PTPRT: variants seen among roughly 807,000 people sequenced by gnomAD.
PTPRT encodes receptor-type tyrosine-protein phosphatase T.
Under a neutral mutation model 176.8 loss-of-function variants are expected in PTPRT, and 56 were observed. The ratio of observed to expected loss-of-function variants is 0.32; its 90% confidence interval spans 0.26 to 0.40. The LOEUF is 0.40. PTPRT is among the 10% of genes least tolerant of loss of function. The pLI, the probability that PTPRT is intolerant of heterozygous loss-of-function variation, is 1.00. For synonymous variants in PTPRT, 783 were observed against 739.0 expected (o/e 1.06, Z -0.96); for missense variants, 1,540 against 1,908.2 (o/e 0.81, Z 3.60).
intron 19 of PTPRT, among the ~76,000 whole-genome samples, chr20:42,122,993 T>C (rs1359109742): frequency 6.6e-6 from 1 of 152,202 alleles, no homozygotes. Flanking sequence ...TAGGGCTTTG[T>C]ATATGCTCAG....
Position 43,189,849 on chromosome 20 carries a change from C to T in PTPRT, c.-116G>A. ...CCGCTGGCTGTGCGCGCGGCTGGCTCCGCTCGGGCTCCCGGAGCCGGCGCT... is the reference window on the plus strand; with the variant it reads ...CCGCTGGCTGTGCGCGCGGCTGGCTTCGCTCGGGCTCCCGGAGCCGGCGCT... On this transcript the variant is annotated 5_prime_UTR_variant, in exon 1 of 31. Coordinates refer to ENST00000373187, the MANE Select transcript of PTPRT (RefSeq NM_007050.6). This position sits in a 1 kb window ranked among gnomAD's most constrained non-coding sequence, Gnocchi z 5.0. 2.6e-6 allele frequency: 1 copy of T among 377,868 alleles called. No individual in the cohort carries two copies. Among genetic ancestry groups the T allele is most frequent in the Non-Finnish European group, 3.6e-6 (1 of 275,230 alleles). 23.4% of individuals were successfully genotyped at this position (377,868 alleles called of 1,614,324 possible). A position where few individuals can be genotyped will look rare whatever the true frequency, so the allele number is the denominator to read the frequency against.
chr20:42,089,140 G>A (rs528752503), intron 27 of PTPRT, among the ~76,000 whole-genome samples: 6 of 151,906 alleles, frequency 3.9e-5, no homozygotes, highest in Admixed American at 6.6e-5. Flanking sequence ...GTGTCTTGTC[G>A]GGCGCTGGTC....
intron 1 of PTPRT, among the ~76,000 whole-genome samples, chr20:43,035,292 A>G (rs528112529): frequency 1.6e-5 from 2 of 127,504 alleles, no homozygotes; most frequent in Admixed American, 8.1e-5. Context: ...GAGCACTTGG[A>G]TACTTTAGAG....
chr20:42,054,963 G>A, the PTPRT span, among the ~76,000 whole-genome samples: 127 of 152,246 alleles, frequency 8.3e-4, no homozygotes, highest in Admixed American at 2.4e-3. Flanking sequence ...TGTAGAAAAG[G>A]AATCGTTTTA....
chr20:42,870,767 T>C (rs1486883253), intron 2 of PTPRT, among the ~76,000 whole-genome samples: 1 of 152,210 alleles, frequency 6.6e-6, no homozygotes, highest in Non-Finnish European at 1.5e-5. Context: ...GTTTTCCATA[T>C]AGACTATACC....
intron 14 of PTPRT, among the ~76,000 whole-genome samples, chr20:42,248,433 T>C (rs1283228565): frequency 2.0e-5 from 3 of 152,168 alleles, no homozygotes; most frequent in African/African-American, 4.8e-5. Flanking sequence ...CCATGGCACA[T>C]CGCGGTGGCC....
At chr20:42,961,956 G>C (rs1389008741) in intron 1 of PTPRT, among the ~76,000 whole-genome samples, 1 of 152,164 alleles carries the variant, frequency 6.6e-6, no homozygotes, top group African/African-American at 2.4e-5. Flanking sequence ...CAGGAATGCA[G>C]GTGGCCTCTA....
downstream of PTPRT, among the ~76,000 whole-genome samples, chr20:42,068,007 T>G (rs1409195597): frequency 1.3e-5 from 2 of 152,110 alleles, no homozygotes; most frequent in African/African-American, 4.8e-5. Context: ...TCTTACAGGG[T>G]CTGCTTGTTC....
intron 11 of PTPRT, 84 bp from the exon 12 acceptor site, chr20:42,316,080 T>C: frequency 1.4e-6 from 2 of 1,458,668 alleles, no homozygotes; most frequent in Non-Finnish European, 1.9e-6. Context: ...CAACCCAACT[T>C]CTCCTATGTG....
chr20:42,997,305 C>G (rs1984277993), intron 1 of PTPRT, among the ~76,000 whole-genome samples: 1 of 152,112 alleles, frequency 6.6e-6, no homozygotes. Context: ...AGAAGTAATG[C>G]TGTATAACTT....
chr20:42,586,452 G>T (rs1017681324), intron 7 of PTPRT, among the ~76,000 whole-genome samples: 1 of 152,138 alleles, frequency 6.6e-6, no homozygotes. Context: ...GTGGGGAAGG[G>T]ATCACAAGAA....
At chr20:42,554,842 T>C (rs998652323) in intron 7 of PTPRT, among the ~76,000 whole-genome samples, 4 of 152,162 alleles carry the variant, frequency 2.6e-5, no homozygotes, top group Non-Finnish European at 5.9e-5. Context: ...GAAGATTTTA[T>C]GTAAAAGGTG....
chr20:42,776,819 C>T (rs1489711907), intron 4 of PTPRT, among the ~76,000 whole-genome samples: 1 of 146,504 alleles, frequency 6.8e-6, no homozygotes, highest in African/African-American at 2.5e-5. Context: ...TACTATAACT[C>T]ACATTTATAT....
At chr20:42,744,068 T>A (rs376578681) in intron 6 of PTPRT, among the ~76,000 whole-genome samples, 1 of 152,242 alleles carries the variant, frequency 6.6e-6, no homozygotes, top group Admixed American at 6.5e-5. Context: ...ACAGTTCCCA[T>A]GACCAGCTGG....
rs144441634 is a variant in PTPRT, at chr20:42,957,400, T to C, written c.89-71468A>G. 5.4e-4 allele frequency among the ~76,000 whole-genome samples: 82 copies of C among 152,324 alleles called. 1 individual carries two copies. The highest frequency in any genetic ancestry group is 1.9e-3 in the African/African-American group (78 of 41,576). Reference sequence around the variant, plus strand: ...GTAAATGTATTTTTAATCTCATACATTGATTTAACACTGTATTTCTTTTTG... The same window carrying C: ...GTAAATGTATTTTTAATCTCATACACTGATTTAACACTGTATTTCTTTTTG... On this transcript the variant is annotated intron_variant, in intron 1 of 30. Transcript: ENST00000373187.
At chr20:43,017,266 G>A (rs77189472) in intron 1 of PTPRT, among the ~76,000 whole-genome samples, 4,079 of 152,114 alleles carry the variant, frequency 0.027, 172 homozygotes, top group African/African-American at 0.092. Context: ...TACTGATCTC[G>A]ATGATTACAT....
Position 42,967,582 on chromosome 20 carries a change from T to C in PTPRT, c.89-81650A>G, listed in dbSNP as rs1314270187. Among the ~76,000 whole-genome samples, 4 of 152,138 alleles carry C rather than the reference T, an allele frequency of 2.6e-5. No homozygotes were observed. In the East Asian group the frequency reaches 7.7e-4, roughly 29 times the overall value. ...GATTTCAGACTGTGGACCCCAGAAC[T>C]GTGAGAGAACAAATTTGTGTTGTTT... On this transcript the variant is annotated intron_variant, in intron 1 of 30. Coordinates refer to ENST00000373187, the MANE Select transcript of PTPRT (RefSeq NM_007050.6).
At chr20:42,484,769 T>G (rs1286035155) in intron 7 of PTPRT, among the ~76,000 whole-genome samples, 1 of 152,214 alleles carries the variant, frequency 6.6e-6, no homozygotes, top group Non-Finnish European at 1.5e-5. Context: ...ATGATTTATC[T>G]CCAAAATAGA....
intron 8 of PTPRT, among the ~76,000 whole-genome samples, chr20:42,453,674 CTTTTT>C: frequency 7.3e-6 from 1 of 136,654 alleles, no homozygotes; most frequent in Non-Finnish European, 1.5e-5. Flanking sequence ...TTTTTCTTTT[CTTTTT>C]TTTTTTTTAA....
Sources: gnomAD v4.1 joint callset for allele counts (sites outside exome capture counted in the v4.1 genomes callset) on GRCh38, gnomAD v4.1.1 for gene constraint, Gnocchi (gnomAD v3.1) non-coding constraint, MANE v1.5 for transcripts, NCBI Gene and HGNC (gene_info 2026-07-23, HGNC 2026-07-21) for gene names.